Variants in NTM observed in about 807,000 individuals in gnomAD.
NTM encodes IgLON family member 2.
Under a neutral mutation model 42.1 loss-of-function variants are expected in NTM, and 13 were observed. That is an observed-to-expected ratio of 0.31 (90% CI 0.20 to 0.49). The LOEUF (loss-of-function observed/expected upper bound fraction) is 0.49. Among genes scored for constraint, NTM ranks in the 20% least tolerant of loss-of-function variants. The pLI, the probability that NTM is intolerant of heterozygous loss-of-function variation, is 0.99. For missense variants in NTM, 373 were observed against 452.8 expected (o/e 0.82, Z 1.60); for synonymous variants, 187 against 179.2 (o/e 1.04, Z -0.35).
chr11:132,018,420 ATTG>A (rs2073791843), intron 2 of NTM, among the ~76,000 whole-genome samples: 1 of 151,950 alleles, frequency 6.6e-6, no homozygotes. Context: ...AGAAATTTTT[ATTG>A]TTCATTTTAA....
intron 1 of NTM, among the ~76,000 whole-genome samples, chr11:131,447,856 C>T (rs1258769406): frequency 6.6e-6 from 1 of 152,220 alleles, no homozygotes; most frequent in Admixed American, 6.5e-5. Flanking sequence ...CGCCATCATG[C>T]ACCGCAGATG....
chr11:131,946,214 TG>T (rs376508919), intron 2 of NTM, among the ~76,000 whole-genome samples: 1,902 of 151,950 alleles, frequency 0.013, 46 homozygotes, highest in African/African-American at 0.043. Flanking sequence ...TGGGGAGACG[TG>T]GGGGAATGGA....
chr11:131,987,862 G>A (rs534608222), intron 2 of NTM, among the ~76,000 whole-genome samples: 3 of 152,352 alleles, frequency 2.0e-5, no homozygotes, highest in Non-Finnish European at 4.4e-5. Context: ...TTGAGCATGT[G>A]CTATATGCCA....
chr11:131,585,466 C>A (rs191340459), intron 1 of NTM, among the ~76,000 whole-genome samples: 103 of 152,186 alleles, frequency 6.8e-4, no homozygotes, highest in Non-Finnish European at 1.2e-3. Context: ...TAGAGGGGAC[C>A]CCCCAGCAGG....
intron 4 of NTM, among the ~76,000 whole-genome samples, chr11:132,214,338 T>G (rs1165616638): frequency 1.3e-5 from 2 of 152,110 alleles, no homozygotes; most frequent in East Asian, 3.9e-4. Context: ...ACATTTATCA[T>G]CAGGGTAAGC....
At chr11:132,019,514 T>G in intron 2 of NTM, among the ~76,000 whole-genome samples, 1 of 152,190 alleles carries the variant, frequency 6.6e-6, no homozygotes, top group Admixed American at 6.5e-5. Flanking sequence ...CATACCTATA[T>G]AAGTATTACA....
chr11:131,598,482 A>G (rs2060003096), intron 1 of NTM, among the ~76,000 whole-genome samples: 1 of 152,100 alleles, frequency 6.6e-6, no homozygotes, highest in Non-Finnish European at 1.5e-5. Context: ...ACAAAGGTCT[A>G]TTGCTCCCAC....
intron 1 of NTM, among the ~76,000 whole-genome samples, chr11:131,683,372 G>A (rs1001867902): frequency 2.6e-5 from 4 of 152,218 alleles, no homozygotes; most frequent in Non-Finnish European, 5.9e-5. Context: ...CACGGGAGGA[G>A]GGGAAACAAC....
chr11:131,596,591 G>A (rs555518397), intron 1 of NTM, among the ~76,000 whole-genome samples: 1 of 152,212 alleles, frequency 6.6e-6, no homozygotes, highest in Non-Finnish European at 1.5e-5. Context: ...CAGGCAGTGG[G>A]GACAGCATTC....
chr11:132,155,847 T>A (rs1256109123), intron 3 of NTM, among the ~76,000 whole-genome samples: 1 of 152,052 alleles, frequency 6.6e-6, no homozygotes, highest in Admixed American at 6.5e-5. Flanking sequence ...CAAAGATGGA[T>A]GAGATGGGTC....
intron 2 of NTM, among the ~76,000 whole-genome samples, chr11:132,001,776 GCACACACA>G (rs35551724): frequency 6.8e-6 from 1 of 147,252 alleles, no homozygotes; most frequent in African/African-American, 2.5e-5. Flanking sequence ...ACACAGACAG[GCACACACA>G]CACACACACA....
intron 1 of NTM, among the ~76,000 whole-genome samples, chr11:131,816,553 A>G (rs1345154232): frequency 6.6e-6 from 1 of 152,112 alleles, no homozygotes. Context: ...GCAAGAAAAA[A>G]AAAAAAAGGA....
At chr11:131,627,831 A>G (rs2063279818) in intron 1 of NTM, among the ~76,000 whole-genome samples, 1 of 152,088 alleles carries the variant, frequency 6.6e-6, no homozygotes, top group Admixed American at 6.6e-5. Flanking sequence ...ACTCTGTCTT[A>G]ACAAATGTAT....
intron 1 of NTM, among the ~76,000 whole-genome samples, chr11:131,710,502 C>G (rs2077012735): frequency 6.6e-6 from 1 of 152,080 alleles, no homozygotes; most frequent in African/African-American, 2.4e-5. Context: ...GTACTGAAAT[C>G]TTATTATTGG....
At chr11:131,598,171 G>C (rs900674089) in intron 1 of NTM, among the ~76,000 whole-genome samples, 4 of 143,654 alleles carry the variant, frequency 2.8e-5, no homozygotes, top group Non-Finnish European at 1.6e-5. Flanking sequence ...ACAACTCACA[G>C]TTTATCAGAG....
At chr11:131,436,576 T>A (rs1437492628) in intron 1 of NTM, among the ~76,000 whole-genome samples, 1 of 152,216 alleles carries the variant, frequency 6.6e-6, no homozygotes, top group African/African-American at 2.4e-5. Flanking sequence ...TGCGTAGAGA[T>A]GTTTATAGTA....
chr11:131,989,056 A>C (rs1486890765), intron 2 of NTM, among the ~76,000 whole-genome samples: 1 of 152,196 alleles, frequency 6.6e-6, no homozygotes, highest in Non-Finnish European at 1.5e-5. Flanking sequence ...GATTTGTTTT[A>C]ATTGATACAA....
intron 1 of NTM, among the ~76,000 whole-genome samples, chr11:131,624,428 T>A (rs906163): frequency 1 from 152,044 of 152,224 alleles, 75,932 homozygotes; most frequent in Middle Eastern, 1. Flanking sequence ...TAAATATTAA[T>A]TGTGGTCCTG....
chr11:131,956,142 C>A (rs553933339), intron 2 of NTM, among the ~76,000 whole-genome samples: 2 of 152,228 alleles, frequency 1.3e-5, no homozygotes, highest in South Asian at 2.1e-4. Flanking sequence ...TTACATTAGC[C>A]GCACTATAGA....
Sources: gnomAD v4.1 joint callset for allele counts (sites outside exome capture counted in the v4.1 genomes callset) on GRCh38, gnomAD v4.1.1 for gene constraint, MANE v1.5 for transcripts, NCBI Gene and HGNC (gene_info 2026-07-23, HGNC 2026-07-21) for gene names.